The following ARL15 variants were observed in gnomAD, a reference collection of about 807,000 sequenced individuals.
ARL15 encodes ADP-ribosylation factor-like protein 15.
A neutral mutation model predicts 25.2 loss-of-function variants in ARL15; 19 were observed. The observed-to-expected ratio is 0.75, with a 90% CI of 0.53 to 1.10. The LOEUF is 1.10. Ranked by LOEUF, ARL15 falls within the 50% of genes least tolerant of loss-of-function variation. ARL15 has a pLI of 0.00. For synonymous variants in ARL15, 94 were observed against 86.8 expected (o/e 1.08, Z -0.46); for missense variants, 220 against 246.0 (o/e 0.89, Z 0.71).
At chr5:54,146,273 A>C (rs892552609) in intron 3 of ARL15, among the ~76,000 whole-genome samples, 1 of 152,210 alleles carries the variant, frequency 6.6e-6, no homozygotes, top group Non-Finnish European at 1.5e-5. Context: ...ACAATGCTAC[A>C]TAATCCTGTA....
intron 1 of ARL15, among the ~76,000 whole-genome samples, chr5:54,219,917 C>A (rs1400823743): frequency 6.6e-6 from 1 of 152,080 alleles, no homozygotes; most frequent in Non-Finnish European, 1.5e-5. Context: ...ATATTCATTT[C>A]TTGAAATGGA....
chr5:54,303,358 C>T (rs1758661649), intron 1 of ARL15, among the ~76,000 whole-genome samples: 1 of 151,858 alleles, frequency 6.6e-6, no homozygotes, highest in Non-Finnish European at 1.5e-5. Context: ...CCCGTCTCTA[C>T]CAAAAAATAC....
At chr5:54,175,643 T>C (rs561766166) in intron 1 of ARL15, among the ~76,000 whole-genome samples, 1 of 148,578 alleles carries the variant, frequency 6.7e-6, no homozygotes, top group Non-Finnish European at 1.5e-5. Context: ...CCTTCTCTTC[T>C]CTTTCTTTTT....
rs1198035229 is a variant in ARL15 at position 54,175,821 on chromosome 5, T to G, written c.49-3893A>C. On this transcript the variant is annotated intron_variant, in intron 1 of 4. Transcript: ENST00000504924. ...GTGTGCACCACCACACCCAGCTAATTTTTGTATCTTTGTAGAGATGGGGTT... is the reference window on the plus strand; with the variant it reads ...GTGTGCACCACCACACCCAGCTAATGTTTGTATCTTTGTAGAGATGGGGTT... 2.0e-5 allele frequency among the ~76,000 whole-genome samples: 3 copies of G among 151,826 alleles called. 1 individual carries two copies. Among genetic ancestry groups the G allele is most frequent in the African/African-American group, 7.3e-5 (3 of 41,302 alleles).
At chr5:53,917,263 A>C (rs1431256439) in intron 4 of ARL15, among the ~76,000 whole-genome samples, 1 of 152,222 alleles carries the variant, frequency 6.6e-6, no homozygotes, top group Non-Finnish European at 1.5e-5. Context: ...GGTTAGTGAA[A>C]CATACCAATA....
At chr5:54,221,187 T>TAGGACTCAAAATACGTACCTCAAG (rs1191240361) in intron 1 of ARL15, among the ~76,000 whole-genome samples, 15 of 152,344 alleles carry the variant, frequency 9.8e-5, no homozygotes, top group African/African-American at 3.4e-4. Context: ...TCTTGTATGT[T>TAGGACTCAAAATACGTACCTCAAG]AGGACTCAAA....
chr5:54,211,481 T>C (rs1756040653), intron 1 of ARL15, among the ~76,000 whole-genome samples: 1 of 150,724 alleles, frequency 6.6e-6, no homozygotes. Flanking sequence ...TTTTTTTTTT[T>C]TTTTTTGAGA....
intron 4 of ARL15, among the ~76,000 whole-genome samples, chr5:54,016,392 G>A (rs1346831581): frequency 2.0e-5 from 3 of 152,164 alleles, no homozygotes; most frequent in African/African-American, 7.2e-5. Flanking sequence ...TCCTCTTGCA[G>A]GCCAGTTTCA....
chr5:54,225,712 AC>A (rs1674616270), intron 1 of ARL15, among the ~76,000 whole-genome samples: 1 of 152,144 alleles, frequency 6.6e-6, no homozygotes, highest in Non-Finnish European at 1.5e-5. Flanking sequence ...CCTGAAGCTG[AC>A]AAGAGGGTGC....
chr5:54,262,102 C>A (rs1313283701), intron 1 of ARL15, among the ~76,000 whole-genome samples: 1 of 152,134 alleles, frequency 6.6e-6, no homozygotes, highest in Non-Finnish European at 1.5e-5. Flanking sequence ...CAACCTCTCT[C>A]ATTTAAGAAG....
intron 2 of ARL15, among the ~76,000 whole-genome samples, chr5:54,165,745 T>C (rs1181250237): frequency 1.3e-5 from 2 of 150,696 alleles, no homozygotes; most frequent in African/African-American, 4.9e-5. Flanking sequence ...TGTTTATATA[T>C]ATATATATAA....
intron 1 of ARL15, among the ~76,000 whole-genome samples, chr5:54,181,545 G>A (rs1755058421): frequency 6.6e-6 from 1 of 152,124 alleles, no homozygotes. Flanking sequence ...CAGGAAGTAG[G>A]CCATAAAAAT....
chr5:53,912,973 G>T lies in ARL15; in HGVS notation c.463-26260C>A, dbSNP rs1003210565. Among the ~76,000 whole-genome samples, 33 of 152,300 alleles carry T rather than the reference G, an allele frequency of 2.2e-4. No individual in the cohort carries two copies. In the Middle Eastern group the frequency reaches 0.01, roughly 47 times the overall value. ...TGGCATAAAGTACTAGGAAGATGAA[G>T]CAGGAAGATGCATGGGAAGTCTACA... On this transcript the variant is annotated intron_variant, in intron 4 of 4. Transcript: ENST00000504924.
intron 4 of ARL15, among the ~76,000 whole-genome samples, chr5:53,988,021 T>C (rs867731243): frequency 9.9e-5 from 15 of 152,002 alleles, no homozygotes; most frequent in African/African-American, 3.6e-4. Flanking sequence ...GAGAATGGCA[T>C]GAACCCGGGA....
chr5:54,262,363 ACCC>A (rs893638319), intron 1 of ARL15, among the ~76,000 whole-genome samples: 1 of 152,170 alleles, frequency 6.6e-6, no homozygotes, highest in African/African-American at 2.4e-5. Flanking sequence ...AAAATATTTT[ACCC>A]CAGGTCATTC....
At position 53,986,578 on chromosome 5, in the gene ARL15, G is replaced by A. The variant is rs1016039108; in HGVS notation, c.463-99865C>T. The stretch of plus-strand genomic sequence containing the variant: ...CACTCCAGAGGGTTCCAATGCAGGT[G>A]GTCTCTGACTATGCTTTGGCAAACA... On this transcript the variant is annotated intron_variant, in intron 4 of 4. Coordinates refer to ENST00000504924, the MANE Select transcript of ARL15 (RefSeq NM_019087.3). Among the ~76,000 whole-genome samples, 4 of 152,112 alleles carry A rather than the reference G, an allele frequency of 2.6e-5. No individual in the cohort carries two copies. In the East Asian group the frequency reaches 5.8e-4, roughly 22 times the overall value.
chr5:54,296,568 C>CT (rs1758470262), intron 1 of ARL15, among the ~76,000 whole-genome samples: 1 of 152,260 alleles, frequency 6.6e-6, no homozygotes, highest in Admixed American at 6.5e-5. Flanking sequence ...ATTAAGAGGC[C>CT]TGCAACCCAG....
chr5:54,248,020 T>G (rs1172273310), intron 1 of ARL15, among the ~76,000 whole-genome samples: 1 of 151,922 alleles, frequency 6.6e-6, no homozygotes. Flanking sequence ...GAGGGCATAT[T>G]TGATTAAAAA....
intron 4 of ARL15, among the ~76,000 whole-genome samples, chr5:53,956,554 A>G (rs1747163151): frequency 6.6e-6 from 1 of 151,800 alleles, no homozygotes; most frequent in African/African-American, 2.4e-5. Flanking sequence ...CACTAAACTT[A>G]CAGATAAAGA....
Sources: gnomAD v4.1 joint callset for allele counts (sites outside exome capture counted in the v4.1 genomes callset) on GRCh38, gnomAD v4.1.1 for gene constraint, MANE v1.5 for transcripts, NCBI Gene and HGNC (gene_info 2026-07-23, HGNC 2026-07-21) for gene names.